PTPRN2: variants seen among roughly 807,000 people sequenced by gnomAD.
PTPRN2 encodes receptor-type tyrosine-protein phosphatase N2.
PTPRN2 carries 74 observed loss-of-function variants against 118.8 expected under a neutral mutation model. The ratio of observed to expected loss-of-function variants is 0.62; its 90% CI spans 0.52 to 0.76. The LOEUF is 0.76. PTPRN2 is among the 30% of genes least tolerant of loss of function. The probability of loss-of-function intolerance (pLI) is 0.00; values close to 1 mark genes in which losing one functional copy is unlikely to be tolerated. For missense variants in PTPRN2, 1,481 were observed against 1,394.4 expected, an observed-to-expected ratio of 1.06 and a Z score of -0.99; for synonymous variants, 641 against 608.0, an observed-to-expected ratio of 1.05 and a Z score of -0.80.
chr7:157,922,326 C>T (rs1047371426), intron 11 of PTPRN2, among the ~76,000 whole-genome samples: 4 of 152,020 alleles, frequency 2.6e-5, no homozygotes, highest in African/African-American at 9.7e-5. Flanking sequence ...CTTTCCTGGG[C>T]GATGGGGCCA....
chr7:158,375,166 CAGAA>C (rs1381753894), intron 2 of PTPRN2, among the ~76,000 whole-genome samples: 1 of 152,198 alleles, frequency 6.6e-6, no homozygotes, highest in Non-Finnish European at 1.5e-5. Flanking sequence ...AGCATGAAGT[CAGAA>C]AGGTGCCTAA....
intron 11 of PTPRN2, among the ~76,000 whole-genome samples, chr7:158,060,007 C>T (rs1236168727): frequency 9.2e-6 from 1 of 108,840 alleles, no homozygotes; most frequent in Non-Finnish European, 1.8e-5. Context: ...TGCAGCCACA[C>T]TCCATCTGCA....
intron 12 of PTPRN2, among the ~76,000 whole-genome samples, chr7:157,835,972 G>T (rs933624323): frequency 6.6e-6 from 1 of 152,178 alleles, no homozygotes; most frequent in Non-Finnish European, 1.5e-5. Flanking sequence ...AACAAGCAAC[G>T]TTAGACACAG....
intron 2 of PTPRN2, among the ~76,000 whole-genome samples, chr7:158,371,305 T>C (rs963553412): frequency 6.8e-6 from 1 of 147,588 alleles, no homozygotes; most frequent in African/African-American, 2.5e-5. Context: ...GATCCTATAA[T>C]AAGAGAGACT....
chr7:158,216,429 GT>G (rs201605263), intron 3 of PTPRN2, among the ~76,000 whole-genome samples: 1 of 151,410 alleles, frequency 6.6e-6, no homozygotes, highest in Non-Finnish European at 1.5e-5. Context: ...GGCTGAGTGG[GT>G]TTTTTTTAAA....
At chr7:158,207,930 C>CCTATCCGATAAAA (rs1219320775) in intron 3 of PTPRN2, among the ~76,000 whole-genome samples, 13 of 152,282 alleles carry the variant, frequency 8.5e-5, no homozygotes, top group African/African-American at 3.1e-4. Flanking sequence ...ATCCGATAAA[C>CCTATCCGATAAAA]TTAACAATGA....
Position 158,203,276 on chromosome 7 carries a change from AAAGG to A in PTPRN2, c.380+1891_380+1894del, listed in dbSNP as rs920552413. Among the ~76,000 whole-genome samples, 103 of 151,622 alleles carry A rather than the reference AAAGG, an allele frequency of 6.8e-4. 2 individuals carry two copies. Among genetic ancestry groups the A allele is most frequent in the African/African-American group, 2.3e-3 (94 of 41,318 alleles). On this transcript the variant is annotated intron_variant, in intron 4 of 22. Coordinates refer to ENST00000389418, the MANE Select transcript of PTPRN2 (RefSeq NM_002847.5). ...AGAAGAGGAAAGAAAGAGGAAAGAA[AAAGG>A]AAGGAAGGAAGGGAGGAAGGAAGGA...
At chr7:157,667,189 G>A (rs1297058195) in intron 13 of PTPRN2, among the ~76,000 whole-genome samples, 1 of 91,780 alleles carries the variant, frequency 1.1e-5, no homozygotes, top group African/African-American at 3.4e-5. Context: ...TGTGTGCAAT[G>A]AGTACACAGC....
chr7:158,585,832 G>A (rs939138131), intron 1 of PTPRN2, among the ~76,000 whole-genome samples: 95 of 152,342 alleles, frequency 6.2e-4, no homozygotes, highest in African/African-American at 2.2e-3. Context: ...TTCATGTGTA[G>A]GTGAAGGGCG....
chr7:158,150,522 C>A (rs758343428), intron 6 of PTPRN2, among the ~76,000 whole-genome samples: 5 of 152,144 alleles, frequency 3.3e-5, no homozygotes, highest in African/African-American at 4.8e-5. Context: ...CCAGGTGAGT[C>A]CCAGTATTCA....
At chr7:157,720,678 G>A (rs1256908595) in intron 12 of PTPRN2, among the ~76,000 whole-genome samples, 2 of 152,190 alleles carry the variant, frequency 1.3e-5, no homozygotes, top group Non-Finnish European at 2.9e-5. Flanking sequence ...TCCATCAAGC[G>A]CTTTCTGGGG....
chr7:158,475,363 A>C (rs911519740), intron 2 of PTPRN2, among the ~76,000 whole-genome samples: 15 of 150,644 alleles, frequency 1.0e-4, no homozygotes, highest in African/African-American at 3.7e-4. Flanking sequence ...CAGCTTCAGC[A>C]CCTGTTCTAG....
chr7:158,059,584 C>T (rs1362371972), intron 11 of PTPRN2, among the ~76,000 whole-genome samples: 1 of 118,846 alleles, frequency 8.4e-6, no homozygotes, highest in African/African-American at 4.0e-5. Flanking sequence ...CACGGTGACA[C>T]ATCACTGCAG....
intron 4 of PTPRN2, among the ~76,000 whole-genome samples, chr7:158,193,661 C>T (rs545365977): frequency 1.3e-5 from 2 of 152,196 alleles, no homozygotes; most frequent in African/African-American, 4.8e-5. Flanking sequence ...TAGGGATGGG[C>T]ATGGCCCTCC....
intron 10 of PTPRN2, among the ~76,000 whole-genome samples, chr7:158,090,865 T>C (rs1814062069): frequency 6.6e-6 from 1 of 152,240 alleles, no homozygotes; most frequent in Non-Finnish European, 1.5e-5. Context: ...GTACTAATAT[T>C]TGTTGTCTTA....
intron 1 of PTPRN2, among the ~76,000 whole-genome samples, chr7:158,504,157 A>G (rs749163578): frequency 6.6e-6 from 1 of 152,178 alleles, no homozygotes; most frequent in African/African-American, 2.4e-5. Flanking sequence ...CTTTGCATAT[A>G]TGAAAGACCT....
chr7:158,257,001 G>A lies in PTPRN2; in HGVS notation c.278-51728C>T, dbSNP rs976223113. On this transcript the variant is annotated intron_variant, in intron 3 of 22. Coordinates refer to ENST00000389418, the MANE Select transcript of PTPRN2 (RefSeq NM_002847.5). ...TTTCAGAAGATCCCCTGTAAATTCC[G>A]GACCCCTAGTTCCCTGGAACAGGCA... Among the ~76,000 whole-genome samples, 16 of 152,200 alleles carry A rather than the reference G, an allele frequency of 1.1e-4. 1 individual carries two copies. Among genetic ancestry groups the A allele is most frequent in the Admixed American group, 2.6e-4 (4 of 15,276 alleles).
At chr7:157,970,944 C>G (rs1275621037) in intron 11 of PTPRN2, among the ~76,000 whole-genome samples, 3 of 152,230 alleles carry the variant, frequency 2.0e-5, no homozygotes, top group Non-Finnish European at 4.4e-5. Context: ...TTCCATCTGC[C>G]TGGCAAATCT....
In PTPRN2 at chr7:157,986,155, C is replaced by G. The variant is rs1052166594; in HGVS notation, c.1724-87418G>C. Among the ~76,000 whole-genome samples the G allele has an allele frequency of 1.3e-5, 2 of 152,184 alleles. No homozygotes were observed. The highest frequency in any genetic ancestry group is 2.9e-5 in the Non-Finnish European group (2 of 68,038). ...AATAGCATGAGATAGATACCCTCAT[C>G]TACAGCCCCGCTCTCGTATGTCCGG... On this transcript the variant is annotated intron_variant, in intron 11 of 22. Coordinates refer to ENST00000389418, the MANE Select transcript of PTPRN2 (RefSeq NM_002847.5). This position sits in a 1 kb window ranked among gnomAD's most constrained non-coding sequence, Gnocchi z 4.5.
Sources: gnomAD v4.1 joint callset for allele counts (sites outside exome capture counted in the v4.1 genomes callset) on GRCh38, gnomAD v4.1.1 for gene constraint, Gnocchi (gnomAD v3.1) non-coding constraint, MANE v1.5 for transcripts, NCBI Gene and HGNC (gene_info 2026-07-23, HGNC 2026-07-21) for gene names.